Variants in CFAP45 observed in about 807,000 individuals in gnomAD.
CFAP45 encodes cilia and flagella associated protein 45.
A neutral mutation model predicts 75.6 loss-of-function variants in CFAP45; 43 were observed. The observed-to-expected ratio is 0.57, with a 90% CI of 0.45 to 0.73. The LOEUF is 0.73. Ranked by LOEUF, CFAP45 falls within the 30% of genes least tolerant of loss-of-function variation. The pLI is 0.00. For synonymous variants in CFAP45, 223 were observed against 244.6 expected (o/e 0.91, Z 0.82); for missense variants, 689 against 701.5 (o/e 0.98, Z 0.20).
At chr1:159,890,330 A>C in intron 3 of CFAP45, 150 bp downstream of exon 3, 2 of 723,506 alleles carry the variant, frequency 2.8e-6, no homozygotes, top group Non-Finnish European at 4.8e-6. Flanking sequence ...AGAAAGAAAG[A>C]ACTATCAAAC....
chr1:159,898,386 C>G (rs530398831), intron 1 of CFAP45: 2 of 186,458 alleles, frequency 1.1e-5, no homozygotes, highest in East Asian at 3.8e-4. Context: ...AATTGTGACC[C>G]TCACCACCAC....
At position 159,884,515 on chromosome 1, in the gene CFAP45, G is replaced by A. The variant is rs151219155; in HGVS notation, c.818C>T (p.Ser273Leu). Residue 273 changes from serine to leucine, a missense_variant, in exon 7 of 12, where the codon TCG becomes TTG. By Grantham distance (145) the Ser-to-Leu change is moderately radical (BLOSUM62 -2). Transcript: ENST00000368099. Reference sequence around the variant, plus strand: ...CTGCTCCCGCTGCTCAGCAAGCAGCGATCGCTCCTCCTGGTTCTTTTCCAT... The same window carrying A: ...CTGCTCCCGCTGCTCAGCAAGCAGCAATCGCTCCTCCTGGTTCTTTTCCAT... ...EQMEKNQEER[S>L]LLAEQREQEK... 70 of 1,613,662 alleles carry A rather than the reference G, an allele frequency of 4.3e-5. No individual in the cohort carries two copies. Among genetic ancestry groups the A allele is most frequent in the Non-Finnish European group, 5.5e-5 (65 of 1,179,882 alleles).
At chr1:159,878,249 C>T (rs1291847547) in intron 8 of CFAP45, among the ~76,000 whole-genome samples, 1 of 152,204 alleles carries the variant, frequency 6.6e-6, no homozygotes, top group Non-Finnish European at 1.5e-5. Context: ...GAGGTTATCT[C>T]ATTAGTCCCT....
intron 1 of CFAP45, among the ~76,000 whole-genome samples, chr1:159,899,209 C>A (rs937494152): frequency 6.6e-6 from 1 of 152,108 alleles, no homozygotes; most frequent in African/African-American, 2.4e-5. Flanking sequence ...TCCCAGCAAA[C>A]CCCAGGCTGC....
intron 5 of CFAP45, 143 bp from the exon 6 acceptor site, chr1:159,886,832 T>A (rs1329953585): frequency 1.4e-6 from 1 of 690,448 alleles, no homozygotes; most frequent in Non-Finnish European, 2.5e-6. Flanking sequence ...AGAATGTTCT[T>A]ATATTTACCT....
chr1:159,873,849 C>CCTTCTTCCTTG (rs1553221149), intron 10 of CFAP45, among the ~76,000 whole-genome samples: 80 of 136,802 alleles, frequency 5.8e-4, no homozygotes, highest in African/African-American at 1.9e-3. Context: ...TTCCTTCCTT[C>CCTTCTTCCTTG]CTTCCTTCCT....
At position 159,888,475 on chromosome 1, in the gene CFAP45, G is replaced by A. The variant is rs139467599; in HGVS notation, c.294C>T (p.Ser98=). ...RELIVPTEDP[S]GESLIISPEE... is the part of the protein sequence containing the mutation. Reference sequence around the variant, plus strand: ...CAGGGCTGATGATTAGGGACTCCCCGGAGGGATCCTCTGTGGGAACACTGT... The same window carrying A: ...CAGGGCTGATGATTAGGGACTCCCCAGAGGGATCCTCTGTGGGAACACTGT... Residue 98 remains serine (S), a synonymous_variant, in exon 4 of 12, where the codon TCC becomes TCT. Transcript: ENST00000368099. The A allele has an allele frequency of 3.4e-4, 540 of 1,593,410 alleles. 6 individuals are homozygous for A. Among genetic ancestry groups the A allele is most frequent in the South Asian group, 2.4e-3 (219 of 90,862 alleles).
intron 10 of CFAP45, among the ~76,000 whole-genome samples, chr1:159,874,278 A>G (rs1352049215): frequency 6.6e-6 from 1 of 152,138 alleles, no homozygotes; most frequent in African/African-American, 2.4e-5. Flanking sequence ...CGATACCCCA[A>G]CAAAAGGTAC....
chr1:159,873,125 T>G lies in CFAP45; in HGVS notation c.1396A>C (p.Lys466Gln). The change falls in exon 11 of 12, where the codon AAA (lysine) becomes CAA (glutamine). Residue 466 changes from lysine (K) to glutamine (Q), a missense_variant. Coordinates refer to ENST00000368099, the MANE Select transcript of CFAP45 (RefSeq NM_012337.3). ...QIEKERLEEEKKATGRLQHAN... is the reference protein window; with the variant it reads ...QIEKERLEEEQKATGRLQHAN... ...TGCTGTAAGCGCCCTGTGGCCTTTTTCTCCTCCTCCAGCCGCTCCTTCTCA... is the reference window on the plus strand; with the variant it reads ...TGCTGTAAGCGCCCTGTGGCCTTTTGCTCCTCCTCCAGCCGCTCCTTCTCA... 6.2e-7 allele frequency: 1 copy of G among 1,614,018 alleles called. No homozygotes were observed. Among genetic ancestry groups the G allele is most frequent in the Non-Finnish European group, 8.5e-7 (1 of 1,179,980 alleles).
chr1:159,872,851 C>T (rs1217410650), intron 11 of CFAP45, 93 bp downstream of exon 11: 6 of 1,256,376 alleles, frequency 4.8e-6, no homozygotes, highest in South Asian at 2.6e-5. Flanking sequence ...CTGCCATGGC[C>T]CTTCACCCCC....
chr1:159,890,714 G>A, intron 2 of CFAP45, 92 bp from the exon 3 acceptor site: 4 of 1,042,614 alleles, frequency 3.8e-6, no homozygotes, highest in South Asian at 1.4e-5. Flanking sequence ...GTGATGCCCT[G>A]TATCTGAGCA....
At chr1:159,874,408 G>A (rs939337822) in intron 10 of CFAP45, among the ~76,000 whole-genome samples, 1 of 152,114 alleles carries the variant, frequency 6.6e-6, no homozygotes, top group Non-Finnish European at 1.5e-5. Context: ...CTAAAATTCT[G>A]TGCCTTCTAC....
intron 7 of CFAP45, 136 bp downstream of exon 7, chr1:159,884,298 TAA>T: frequency 1.2e-6 from 1 of 868,818 alleles, no homozygotes; most frequent in Non-Finnish European, 1.8e-6. Flanking sequence ...AACATGGCAA[TAA>T]AAAGTTGACG....
At chr1:159,882,974 C>G (rs1357047309) in intron 7 of CFAP45, among the ~76,000 whole-genome samples, 1 of 152,160 alleles carries the variant, frequency 6.6e-6, no homozygotes, top group East Asian at 1.9e-4. Flanking sequence ...CCCAACTACC[C>G]AGGTGATCTT....
Position 159,887,884 on chromosome 1 carries a change from T to C in CFAP45, c.545A>G (p.Lys182Arg). Residue 182 changes from lysine (K) to arginine (R), a missense_variant, in exon 5 of 12, where the codon AAG becomes AGG. Transcript: ENST00000368099. The part of the protein sequence containing the change: ...RAQNLLQRAN[K>R]LRMEQEEELK... ...CTCCTCCTCCTGCTCCATCCGCAGC[T>C]TGTTGGCTCTCTGCAGGAGGTTCTG... The C allele has an allele frequency of 2.5e-6, 4 of 1,614,180 alleles. No individual in the cohort carries two copies. Among genetic ancestry groups the C allele is most frequent in the Non-Finnish European group, 3.4e-6 (4 of 1,179,996 alleles).
intron 2 of CFAP45, 122 bp from the exon 3 acceptor site, chr1:159,890,744 C>G (rs1571187953): frequency 5.8e-6 from 4 of 686,736 alleles, no homozygotes; most frequent in Non-Finnish European, 6.9e-6. Flanking sequence ...GTGTACCGAC[C>G]AGCTTTTCTT....
intron 1 of CFAP45, among the ~76,000 whole-genome samples, chr1:159,897,725 T>C (rs1324070511): frequency 6.6e-6 from 1 of 152,056 alleles, no homozygotes; most frequent in Non-Finnish European, 1.5e-5. Flanking sequence ...GTTTCTTTAT[T>C]GAATAATTTC....
At position 159,900,081 on chromosome 1, in the gene CFAP45, GAGGTTC is replaced by G; in HGVS notation, c.3+9_3+14del. Reference sequence around the variant, plus strand: ...AATTCAGGACACAAGGGGCCCATCTGAGGTTCTCCCTCACCATCTCCTCAGCCACAC... The same window carrying G: ...AATTCAGGACACAAGGGGCCCATCTGTCCCTCACCATCTCCTCAGCCACAC... On this transcript the variant is annotated intron_variant, in intron 1 of 11. Transcript: ENST00000368099. 1 of 1,614,024 alleles carries G rather than the reference GAGGTTC, an allele frequency of 6.2e-7. No individual in the cohort carries two copies. The highest frequency in any genetic ancestry group is 8.5e-7 in the Non-Finnish European group (1 of 1,179,958).
chr1:159,894,942 G>A (rs532497607), intron 1 of CFAP45, among the ~76,000 whole-genome samples: 3 of 152,328 alleles, frequency 2.0e-5, no homozygotes, highest in African/African-American at 7.2e-5. Flanking sequence ...TTTTGGGGGT[G>A]CAACAGTGCA....
Sources: allele counts gnomAD v4.1 joint callset (sites outside exome capture counted in the v4.1 genomes callset), GRCh38; gene constraint gnomAD v4.1.1; transcripts MANE v1.5; gene names NCBI Gene and HGNC (gene_info 2026-07-23, HGNC 2026-07-21).